The following TMEM63C variants were observed in gnomAD, a reference collection of about 807,000 sequenced individuals.
The protein encoded by TMEM63C is transmembrane protein 63C.
TMEM63C carries 32 observed loss-of-function variants against 99.2 expected under a neutral mutation model. The observed-to-expected ratio is 0.32, with a 90% CI of 0.24 to 0.43. The LOEUF (loss-of-function observed/expected upper bound fraction) is 0.43, where lower values mean the gene tolerates loss of function less well. Ranked by LOEUF, TMEM63C falls within the 20% of genes least tolerant of loss-of-function variation. The pLI is 1.00. For missense variants in TMEM63C, 826 were observed against 1,053.0 expected (o/e 0.78, Z 2.98); for synonymous variants, 376 against 397.9 (o/e 0.94, Z 0.66).
In TMEM63C at chr14:77,244,467, G is replaced by T. The variant is rs1388982123; in HGVS notation, c.1448+12G>T. On this transcript the variant is annotated intron_variant, in intron 16 of 23. Transcript: ENST00000298351. ...GCCCACTGGACCAGGTGACCTGGGG[G>T]CCTCCTCTCGTAGCCCTGTGGTTTC... 1 of 1,605,144 alleles carries T rather than the reference G, an allele frequency of 6.2e-7. No homozygotes were observed. The highest frequency in any genetic ancestry group is 8.5e-7 in the Non-Finnish European group (1 of 1,172,374).
intron 1 of TMEM63C, among the ~76,000 whole-genome samples, chr14:77,209,147 A>G (rs1301442765): frequency 4.0e-5 from 6 of 150,386 alleles, no homozygotes; most frequent in Non-Finnish European, 7.5e-5. Flanking sequence ...ACTAACACTC[A>G]TAATCACCCT....
intron 1 of TMEM63C, among the ~76,000 whole-genome samples, chr14:77,194,269 A>C (rs1378696365): frequency 2.6e-5 from 4 of 152,062 alleles, no homozygotes; most frequent in Non-Finnish European, 5.9e-5. Flanking sequence ...TAGCAAAGCA[A>C]ATATAAGTAC....
chr14:77,215,179 G>A (rs1169904263), intron 2 of TMEM63C, among the ~76,000 whole-genome samples: 5 of 151,980 alleles, frequency 3.3e-5, no homozygotes, highest in African/African-American at 2.4e-5. Context: ...CTCCATTTCC[G>A]TAATCCATCC....
chr14:77,190,658 T>C (rs960978444), intron 1 of TMEM63C, among the ~76,000 whole-genome samples: 8 of 152,078 alleles, frequency 5.3e-5, no homozygotes, highest in African/African-American at 2.4e-5. Flanking sequence ...TCAAAAGAAA[T>C]AAAAAATCAT....
At chr14:77,206,327 C>T (rs1001177220) in intron 1 of TMEM63C, among the ~76,000 whole-genome samples, 1 of 152,220 alleles carries the variant, frequency 6.6e-6, no homozygotes, top group African/African-American at 2.4e-5. Flanking sequence ...TTCCTGATCT[C>T]TGCCCCTGGG....
chr14:77,222,528 G>C (rs1331587469), intron 5 of TMEM63C, among the ~76,000 whole-genome samples: 1 of 152,178 alleles, frequency 6.6e-6, no homozygotes, highest in Non-Finnish European at 1.5e-5. Flanking sequence ...GACCTTCACT[G>C]TCTTCCTAGG....
intron 5 of TMEM63C, among the ~76,000 whole-genome samples, chr14:77,223,046 G>A (rs79432888): frequency 0.023 from 3,555 of 152,214 alleles, 131 homozygotes; most frequent in African/African-American, 0.082. Context: ...CATCCCTCGA[G>A]AGGCGGGGTC....
chr14:77,240,821 G>A (rs927007919), intron 13 of TMEM63C, among the ~76,000 whole-genome samples: 1 of 152,160 alleles, frequency 6.6e-6, no homozygotes, highest in African/African-American at 2.4e-5. Context: ...TGCCCAGGCC[G>A]GGGCTCCTCA....
intron 1 of TMEM63C, among the ~76,000 whole-genome samples, chr14:77,199,990 T>C (rs1486000924): frequency 6.6e-6 from 1 of 152,186 alleles, no homozygotes; most frequent in African/African-American, 2.4e-5. Flanking sequence ...AGAAGCAGAT[T>C]GTCGCAGACA....
Position 77,253,344 on chromosome 14 carries a change from C to T in TMEM63C, c.2188C>T (p.Pro730Ser). 1.2e-6 allele frequency: 2 copies of T among 1,612,904 alleles called. No homozygotes were observed. Among genetic ancestry groups the T allele is most frequent in the Non-Finnish European group, 1.7e-6 (2 of 1,179,584 alleles). Residue 730 changes from proline to serine, a missense_variant, in exon 23 of 24, where the codon CCA becomes TCA. By Grantham distance (74) the Pro-to-Ser change is moderately conservative (BLOSUM62 -1). Coordinates refer to ENST00000298351, the MANE Select transcript of TMEM63C (RefSeq NM_020431.4). ...EEIQTVFDME[P>S]SSTSSTPTSL... is the part of the protein sequence containing the mutation. ...GATCCAGACAGTGTTTGACATGGAGCCAAGCAGCACCTCCTCCACGCCCAC... is the reference window on the plus strand; with the variant it reads ...GATCCAGACAGTGTTTGACATGGAGTCAAGCAGCACCTCCTCCACGCCCAC...
chr14:77,187,282 G>C (rs1217717625), intron 1 of TMEM63C, among the ~76,000 whole-genome samples: 1 of 152,220 alleles, frequency 6.6e-6, no homozygotes, highest in East Asian at 1.9e-4. Context: ...TGGTGGTTTT[G>C]CTGAAGTTGC....
Position 77,243,009 on chromosome 14 carries a change from A to T in TMEM63C, c.1294A>T (p.Asn432Tyr). The change falls in exon 15 of 24, where the codon AAC (asparagine) becomes TAC (tyrosine). Residue 432 changes from asparagine (N) to tyrosine (Y), a missense_variant. Coordinates refer to ENST00000298351, the MANE Select transcript of TMEM63C (RefSeq NM_020431.4). The stretch of plus-strand genomic sequence containing the variant: ...TCTCACCACGCCTGCCATCATCATG[A>T]ACACTATCGACATGTACAACGTCAC... Reference protein sequence around the residue: ...FFLTTPAIIMNTIDMYNVTRP... With the variant: ...FFLTTPAIIMYTIDMYNVTRP... The T allele has an allele frequency of 6.2e-7, 1 of 1,613,874 alleles. No homozygotes were observed. The highest frequency in any genetic ancestry group is 8.5e-7 in the Non-Finnish European group (1 of 1,179,874).
intron 5 of TMEM63C, among the ~76,000 whole-genome samples, chr14:77,224,423 G>T: frequency 6.6e-6 from 1 of 152,050 alleles, no homozygotes; most frequent in East Asian, 2.0e-4. Context: ...TCACAGAAGT[G>T]CACATGACCC....
intron 1 of TMEM63C, among the ~76,000 whole-genome samples, chr14:77,187,141 A>G (rs1415798690): frequency 2.6e-5 from 4 of 151,904 alleles, no homozygotes; most frequent in Middle Eastern, 3.2e-3. Flanking sequence ...GACAGCTGCA[A>G]CCACACTCAC....
chr14:77,254,423 G>T (rs564067376), intron 23 of TMEM63C, among the ~76,000 whole-genome samples: 1 of 152,308 alleles, frequency 6.6e-6, no homozygotes, highest in African/African-American at 2.4e-5. Flanking sequence ...TCTCTGAGAG[G>T]GGACAGGAGT....
intron 6 of TMEM63C, 149 bp from the exon 7 acceptor site, chr14:77,231,439 T>C: frequency 6.7e-6 from 5 of 749,420 alleles, no homozygotes; most frequent in Non-Finnish European, 1.1e-5. Context: ...AATTTCGAAG[T>C]TGCCTTATAT....
chr14:77,234,207 C>A (rs1185531945), intron 8 of TMEM63C, among the ~76,000 whole-genome samples: 1 of 152,224 alleles, frequency 6.6e-6, no homozygotes, highest in African/African-American at 2.4e-5. Flanking sequence ...GCAGCTCCAG[C>A]AAGTGTGAGT....
chr14:77,186,682 C>A (rs1341990373), intron 1 of TMEM63C, among the ~76,000 whole-genome samples: 3 of 152,062 alleles, frequency 2.0e-5, no homozygotes, highest in South Asian at 2.1e-4. Context: ...CAGAGCAAGA[C>A]CTTGTCTCAA....
chr14:77,202,082 A>G (rs1888309013), intron 1 of TMEM63C, among the ~76,000 whole-genome samples: 1 of 152,254 alleles, frequency 6.6e-6, no homozygotes, highest in Non-Finnish European at 1.5e-5. Flanking sequence ...TTCTGGAATG[A>G]CACAACTAAG....
Sources: gnomAD v4.1 joint callset for allele counts (sites outside exome capture counted in the v4.1 genomes callset) on GRCh38, gnomAD v4.1.1 for gene constraint, MANE v1.5 for transcripts, NCBI Gene and HGNC (gene_info 2026-07-23, HGNC 2026-07-21) for gene names.